The following ZNF525 variants were observed in gnomAD, a reference collection of about 807,000 sequenced individuals.
The protein encoded by ZNF525 is zinc finger protein 525.
A neutral mutation model predicts 37.6 loss-of-function variants in ZNF525; 33 were observed. The observed-to-expected ratio is 0.88, with a 90% CI of 0.67 to 1.17. The LOEUF is 1.17. ZNF525 is among the 50% of genes most tolerant of loss of function. ZNF525 has a pLI of 0.00. For synonymous variants in ZNF525, 170 were observed against 182.3 expected, an observed-to-expected ratio of 0.93 and a Z score of 0.54; for missense variants, 449 against 543.1, an observed-to-expected ratio of 0.83 and a Z score of 1.72.
At chr19:53,367,169 G>A (rs1258909367) in intron 1 of ZNF525, among the ~76,000 whole-genome samples, 2 of 152,058 alleles carry the variant, frequency 1.3e-5, no homozygotes, top group Non-Finnish European at 2.9e-5. Flanking sequence ...TGGAGGTGGG[G>A]GTGTCAGGAG....
chr19:53,370,310 T>C (rs1186697695), intron 1 of ZNF525, among the ~76,000 whole-genome samples: 6 of 149,142 alleles, frequency 4.0e-5, no homozygotes, highest in African/African-American at 1.5e-4. Flanking sequence ...TCCCAGCTAC[T>C]CGAAAGGCTG....
In ZNF525 at chr19:53,381,566, T is replaced by C; in HGVS notation, c.987T>C (p.Cys329=). ...RIHTGEKPHK[C]NECGKTFSQK... ...ATACTGGAGAGAAACCACATAAGTG[T>C]AATGAGTGTGGCAAGACCTTTAGTC... Residue 329 remains cysteine (C), a synonymous_variant, in exon 4 of 4, where the codon TGT becomes TGC. Transcript: ENST00000474037. 8.5e-7 allele frequency: 1 copy of C among 1,173,222 alleles called. No homozygotes were observed. The highest frequency in any genetic ancestry group is 1.3e-6 in the Non-Finnish European group (1 of 777,184). The allele number at this position is 1,173,222 out of a possible 1,614,324, so 72.7% of individuals were successfully genotyped here. A position where few individuals can be genotyped will look rare whatever the true frequency, so the allele number is the denominator to read the frequency against.
intron 3 of ZNF525, among the ~76,000 whole-genome samples, chr19:53,378,876 C>G (rs900989273): frequency 2.6e-5 from 4 of 152,212 alleles, no homozygotes; most frequent in Non-Finnish European, 4.4e-5. Context: ...TACAAACATT[C>G]AGACCAGGGA....
chr19:53,384,249 C>A lies in ZNF525; in HGVS notation c.*2230C>A. The A allele has an allele frequency of 4.2e-6, 1 of 240,570 alleles. No individual in the cohort carries two copies. Among genetic ancestry groups the A allele is most frequent in the Non-Finnish European group, 8.4e-6 (1 of 118,696 alleles). 14.9% of individuals were successfully genotyped at this position (240,570 alleles called of 1,614,324 possible). On this transcript the variant is annotated 3_prime_UTR_variant, in exon 4 of 4. Coordinates refer to ENST00000474037, the MANE Select transcript of ZNF525 (RefSeq NM_001348156.2). ...CTGTAATCCCAGCACTTTGGTAGGCCAAGGTGGGTAAATCACTTGAGGTCA... is the reference window on the plus strand; with the variant it reads ...CTGTAATCCCAGCACTTTGGTAGGCAAAGGTGGGTAAATCACTTGAGGTCA...
At chr19:53,373,065 C>G (rs1028117288) in intron 2 of ZNF525, among the ~76,000 whole-genome samples, 3 of 151,962 alleles carry the variant, frequency 2.0e-5, no homozygotes, top group African/African-American at 7.2e-5. Flanking sequence ...CCACCTGTTA[C>G]AATTATTATT....
intron 3 of ZNF525, among the ~76,000 whole-genome samples, chr19:53,378,108 A>G (rs1359358822): frequency 6.6e-6 from 1 of 152,082 alleles, no homozygotes; most frequent in Non-Finnish European, 1.5e-5. Flanking sequence ...AGATAGCTTG[A>G]AGTCAGGAGT....
At position 53,381,317 on chromosome 19, in the gene ZNF525, T is replaced by G; in HGVS notation, c.738T>G (p.Asp246Glu). 2.7e-6 allele frequency: 4 copies of G among 1,498,198 alleles called. No homozygotes were observed. The highest frequency in any genetic ancestry group is 3.7e-6 in the Non-Finnish European group (4 of 1,074,458). 92.8% of individuals were successfully genotyped at this position (1,498,198 alleles called of 1,614,324 possible). A position where few individuals can be genotyped will look rare whatever the true frequency, so the allele number is the denominator to read the frequency against. ...IHLGEKQYKCDVCDKVFIRKR... is the reference protein window; with the variant it reads ...IHLGEKQYKCEVCDKVFIRKR... Reference sequence around the variant, plus strand: ...TAGGAGAGAAACAATATAAATGTGATGTATGTGACAAGGTCTTTATTCGGA... The same window carrying G: ...TAGGAGAGAAACAATATAAATGTGAGGTATGTGACAAGGTCTTTATTCGGA... Residue 246 changes from aspartate to glutamate, a missense_variant, in exon 4 of 4, where the codon GAT (aspartate) becomes GAG (glutamate). Asp to Glu is a conservative substitution (Grantham distance 45). Transcript: ENST00000474037.
At chr19:53,374,854 A>T (rs2085510921) in intron 2 of ZNF525, among the ~76,000 whole-genome samples, 1 of 151,932 alleles carries the variant, frequency 6.6e-6, no homozygotes, top group South Asian at 2.1e-4. Context: ...GGATTTTCCT[A>T]CTTTGAGTAA....
intron 1 of ZNF525, among the ~76,000 whole-genome samples, chr19:53,366,797 C>CT (rs1401853087): frequency 8.2e-6 from 1 of 121,646 alleles, no homozygotes; most frequent in Admixed American, 8.3e-5. Context: ...AGAGTGGGGA[C>CT]AGGGGGTATA....
Position 53,381,717 on chromosome 19 carries a change from G to A in ZNF525, c.1138G>A (p.Glu380Lys). Reference protein sequence around the residue: ...LESHRITHTGEKPYKCNDCGK... With the variant: ...LESHRITHTGKKPYKCNDCGK... Reference sequence around the variant, plus strand: ...AAGTCATAGGATAACTCATACTGGAGAGAAACCATACAAGTGTAATGATTG... The same window carrying A: ...AAGTCATAGGATAACTCATACTGGAAAGAAACCATACAAGTGTAATGATTG... The change falls in exon 4 of 4, where the codon GAG becomes AAG. Residue 380 changes from glutamate to lysine, a missense_variant. Physicochemically the swap from Glu to Lys is moderately conservative, Grantham distance 56. Around this residue, in one of 2 missense-constraint regions of ZNF525, gnomAD observed 178 missense variants for 161.5 expected, o/e 1.10. Transcript: ENST00000474037. 1 of 1,083,952 alleles carries A rather than the reference G, an allele frequency of 9.2e-7. No homozygotes were observed. The highest frequency in any genetic ancestry group is 1.4e-6 in the Non-Finnish European group (1 of 695,500). 67.1% of individuals were successfully genotyped at this position (1,083,952 alleles called of 1,614,324 possible). A position where few individuals can be genotyped will look rare whatever the true frequency, so the allele number is the denominator to read the frequency against.
intron 1 of ZNF525, among the ~76,000 whole-genome samples, chr19:53,370,350 C>T (rs118028545): frequency 8.9e-5 from 13 of 146,720 alleles, no homozygotes; most frequent in African/African-American, 3.3e-4. Context: ...ACGTGGGAAG[C>T]GGAGTTTGCA....
At chr19:53,366,732 A>AGAGCAGAGTGGTGCTGGTGGCAAG (rs2085449068) in intron 1 of ZNF525, among the ~76,000 whole-genome samples, 1 of 146,288 alleles carries the variant, frequency 6.8e-6, no homozygotes, top group Non-Finnish European at 1.5e-5. Flanking sequence ...CTGGTGGCAA[A>AGAGCAGAGTGGTGCTGGTGGCAAG]GAGAACAGAG....
intron 2 of ZNF525, 54 bp from the exon 3 acceptor site, chr19:53,375,716 T>A: frequency 6.2e-7 from 1 of 1,613,468 alleles, no homozygotes. Context: ...TCATTTTCTG[T>A]AAAGATAAGA....
intron 2 of ZNF525, among the ~76,000 whole-genome samples, chr19:53,373,127 C>T (rs2085498900): frequency 6.6e-6 from 1 of 152,032 alleles, no homozygotes; most frequent in Admixed American, 6.6e-5. Flanking sequence ...AAGTCTTTCT[C>T]TGTCACCCAG....
chr19:53,372,797 T>A (rs2085496584), intron 2 of ZNF525, among the ~76,000 whole-genome samples: 1 of 152,192 alleles, frequency 6.6e-6, no homozygotes, highest in Non-Finnish European at 1.5e-5. Context: ...ATCTTAGTAA[T>A]TAGAATGGAA....
intron 3 of ZNF525, among the ~76,000 whole-genome samples, chr19:53,379,786 GAGGTCAAAAGTTCA>G (rs1187179563): frequency 2.0e-5 from 3 of 152,164 alleles, no homozygotes; most frequent in African/African-American, 7.2e-5. Context: ...TGGATCACTT[GAGGTCAAAAGTTCA>G]AGGCCAGCCT....
chr19:53,368,767 T>A (rs539748334), intron 1 of ZNF525, among the ~76,000 whole-genome samples: 1 of 152,060 alleles, frequency 6.6e-6, no homozygotes. Flanking sequence ...GCTGGGTAGG[T>A]GTGTGTGGAG....
Position 53,383,590 on chromosome 19 carries a change from C to T in ZNF525, c.*1571C>T. ...ACAAGTGTAATGAGTGTGTCAAAGC[C>T]TTTAGTGGGCAGTCAACACTTATTC... is the stretch of plus-strand genomic sequence containing the variant. On this transcript the variant is annotated 3_prime_UTR_variant, in exon 4 of 4. Transcript: ENST00000474037. 1 of 1,438,860 alleles carries T rather than the reference C, an allele frequency of 6.9e-7. No individual in the cohort carries two copies. Among genetic ancestry groups the T allele is most frequent in the Non-Finnish European group, 9.4e-7 (1 of 1,066,908 alleles). The allele number at this position is 1,438,860 out of a possible 1,614,324, so 89.1% of individuals were successfully genotyped here. A position where few individuals can be genotyped will look rare whatever the true frequency, so the allele number is the denominator to read the frequency against.
chr19:53,374,369 G>A (rs1209531392), intron 2 of ZNF525, among the ~76,000 whole-genome samples: 3 of 152,186 alleles, frequency 2.0e-5, no homozygotes, highest in Non-Finnish European at 2.9e-5. Context: ...TGACATCTGC[G>A]TTGGAAATTA....
Sources: gnomAD v4.1 joint callset for allele counts (sites outside exome capture counted in the v4.1 genomes callset) on GRCh38, gnomAD v4.1.1 for gene constraint, gnomAD v4.1.1 regional missense constraint, MANE v1.5 for transcripts, NCBI Gene and HGNC (gene_info 2026-07-23, HGNC 2026-07-21) for gene names.